The following TMCO4 variants were observed in gnomAD, a reference collection of about 807,000 sequenced individuals.
TMCO4 encodes transmembrane and coiled-coil domain-containing protein 4.
Under a neutral mutation model 64.7 loss-of-function variants are expected in TMCO4, and 58 were observed. The ratio of observed to expected loss-of-function variants is 0.90; its 90% CI spans 0.73 to 1.12. The LOEUF is 1.12. Ranked by LOEUF, TMCO4 falls within the 50% of genes most tolerant of loss-of-function variation. The pLI, the probability that TMCO4 is intolerant of heterozygous loss-of-function variation, is 0.00. For missense variants in TMCO4, 780 were observed against 825.9 expected, an observed-to-expected ratio of 0.94 and a Z score of 0.68; for synonymous variants, 325 against 346.1, an observed-to-expected ratio of 0.94 and a Z score of 0.68.
intron 13 of TMCO4, among the ~76,000 whole-genome samples, chr1:19,708,696 GCTT>G (rs2095314855): frequency 6.6e-6 from 1 of 152,044 alleles, no homozygotes; most frequent in Non-Finnish European, 1.5e-5. Context: ...CCCTCACAGA[GCTT>G]TCTGTTATCC....
In TMCO4 at chr1:19,732,642, G is replaced by A. The variant is rs906604130; in HGVS notation, c.1264+4730C>T. Among the ~76,000 whole-genome samples the A allele has an allele frequency of 5.3e-5, 8 of 152,114 alleles. No homozygotes were observed. Among genetic ancestry groups the A allele is most frequent in the Non-Finnish European group, 4.4e-5 (3 of 68,024 alleles). On this transcript the variant is annotated intron_variant, in intron 13 of 15. Coordinates refer to ENST00000294543, the MANE Select transcript of TMCO4 (RefSeq NM_181719.7). This position sits in a 1 kb window ranked among gnomAD's most constrained non-coding sequence, Gnocchi z 4.8. ...ATGGTGGCTCATGCCTGTAACCCCAGTGCTGTGGGAAGCTGAGGCAGGAGG... is the reference window on the plus strand; with the variant it reads ...ATGGTGGCTCATGCCTGTAACCCCAATGCTGTGGGAAGCTGAGGCAGGAGG...
rs1395837885 is a variant in TMCO4, at chr1:19,700,790, T to A, written c.1360A>T (p.Arg454Trp). Reference protein sequence around the residue: ...WEPFRKVVSGRIINGYCRGDW... With the variant: ...WEPFRKVVSGWIINGYCRGDW... ...GACCTGCAGTAGCCGTTGATGATCCTCCCGGACACCACCTTCCGGAAAGGC... is the reference window on the plus strand; with the variant it reads ...GACCTGCAGTAGCCGTTGATGATCCACCCGGACACCACCTTCCGGAAAGGC... Residue 454 changes from arginine to tryptophan, a missense_variant, in exon 14 of 16, where the codon AGG becomes TGG. By Grantham distance (101) the Arg-to-Trp change is moderately radical. Transcript: ENST00000294543. 2 of 1,614,188 alleles carry A rather than the reference T, an allele frequency of 1.2e-6. No individual in the cohort carries two copies. The highest frequency in any genetic ancestry group is 3.3e-5 in the Admixed American group (2 of 60,026).
intron 13 of TMCO4, among the ~76,000 whole-genome samples, chr1:19,716,296 T>C (rs1271975068): frequency 6.6e-6 from 1 of 150,658 alleles, no homozygotes; most frequent in African/African-American, 2.4e-5. Context: ...GCGATTCTCC[T>C]GCCTCAGCCT....
At chr1:19,733,390 G>A (rs1231369833) in intron 13 of TMCO4, among the ~76,000 whole-genome samples, 1 of 152,196 alleles carries the variant, frequency 6.6e-6, no homozygotes. Context: ...ACACACGGCT[G>A]AGCAGGGCAT....
intron 10 of TMCO4, among the ~76,000 whole-genome samples, chr1:19,741,701 C>T (rs1346795607): frequency 6.6e-6 from 1 of 151,514 alleles, no homozygotes; most frequent in Non-Finnish European, 1.5e-5. Flanking sequence ...CCACGTATTT[C>T]TGCTTGTGGC....
intron 11 of TMCO4, 22 bp downstream of exon 11, chr1:19,740,755 G>A (rs780557057): frequency 6.3e-7 from 1 of 1,594,548 alleles, no homozygotes; most frequent in South Asian, 1.1e-5. Context: ...GCTGTTGTTG[G>A]GGGGCAGGTG....
At chr1:19,746,405 G>C (rs2041782238) in intron 9 of TMCO4, 51 bp downstream of exon 9, 9 of 1,606,010 alleles carry the variant, frequency 5.6e-6, no homozygotes, top group Non-Finnish European at 7.7e-6. Flanking sequence ...TAGGAACTGG[G>C]CCACCCTGGC....
chr1:19,720,723 G>A (rs968457604), intron 13 of TMCO4, among the ~76,000 whole-genome samples: 2 of 152,208 alleles, frequency 1.3e-5, no homozygotes, highest in East Asian at 1.9e-4. Flanking sequence ...GTAGAGACCC[G>A]AAAGGTCAGA....
At chr1:19,775,446 A>G (rs2043165424) in intron 4 of TMCO4, among the ~76,000 whole-genome samples, 1 of 152,186 alleles carries the variant, frequency 6.6e-6, no homozygotes, top group African/African-American at 2.4e-5. Context: ...CCTGGAATCC[A>G]GGCTTCCTGA....
At chr1:19,730,178 G>A (rs1381810840) in intron 13 of TMCO4, among the ~76,000 whole-genome samples, 1 of 152,220 alleles carries the variant, frequency 6.6e-6, no homozygotes, top group Non-Finnish European at 1.5e-5. Flanking sequence ...CCAATGAAAT[G>A]TTTGTAAAAG....
Position 19,798,129 on chromosome 1 carries a change from A to C in TMCO4, c.-101+8T>G. ...CTAAATGGAAAGTGGATTGGATTTC[A>C]CTCTCACCCCTTCTGCCTGCTGTCA... is the stretch of plus-strand genomic sequence containing the variant. On this transcript the variant is annotated splice_region_variant and intron_variant, in intron 2 of 15. Transcript: ENST00000294543. 6.4e-6 allele frequency: 1 copy of C among 155,068 alleles called. No individual in the cohort carries two copies. The highest frequency in any genetic ancestry group is 6.6e-5 in the Admixed American group (1 of 15,234). 9.6% of individuals were successfully genotyped at this position (155,068 alleles called of 1,614,324 possible).
intron 10 of TMCO4, among the ~76,000 whole-genome samples, chr1:19,742,914 G>A (rs2095486213): frequency 6.6e-6 from 1 of 152,118 alleles, no homozygotes; most frequent in Non-Finnish European, 1.5e-5. Flanking sequence ...GCCGGGCGTG[G>A]TGGCACATGC....
intron 13 of TMCO4, among the ~76,000 whole-genome samples, chr1:19,712,627 A>G (rs915110365): frequency 1.3e-5 from 2 of 152,080 alleles, no homozygotes; most frequent in African/African-American, 4.8e-5. Flanking sequence ...CTCAAAAAAA[A>G]AAAAAAAGAA....
chr1:19,717,285 G>A (rs1484997539), intron 13 of TMCO4, among the ~76,000 whole-genome samples: 1 of 152,234 alleles, frequency 6.6e-6, no homozygotes. Context: ...ACTGGCTGAA[G>A]GATGGGGTGT....
rs554004960 is a variant in TMCO4 at position 19,715,604 on chromosome 1, G to C, written c.1265-14719C>G. Among the ~76,000 whole-genome samples, 6 of 152,306 alleles carry C rather than the reference G, an allele frequency of 3.9e-5. No individual in the cohort carries two copies. The South Asian group carries it at 1.2e-3, about 32-fold the overall frequency. On this transcript the variant is annotated intron_variant, in intron 13 of 15. Transcript: ENST00000294543. Reference sequence around the variant, plus strand: ...AACTGACGACATGAAAATTTCTCAGGATATAGGAGCAGCTGCCAAGTTCTG... The same window carrying C: ...AACTGACGACATGAAAATTTCTCAGCATATAGGAGCAGCTGCCAAGTTCTG...
intron 3 of TMCO4, among the ~76,000 whole-genome samples, chr1:19,786,606 G>A (rs1358230062): frequency 6.6e-6 from 1 of 152,208 alleles, no homozygotes; most frequent in African/African-American, 2.4e-5. Flanking sequence ...GGCTGCCCCA[G>A]GCAGGGCCAA....
chr1:19,734,998 A>G lies in TMCO4; in HGVS notation c.1264+2374T>C, dbSNP rs2095447404. 6.6e-6 allele frequency among the ~76,000 whole-genome samples: 1 copy of G among 152,070 alleles called. No homozygotes were observed. The highest frequency in any genetic ancestry group is 2.1e-4 in the South Asian group (1 of 4,824). ...AGCATGTGCCTGATTCCCTCACCCA[A>G]AGTCCAGCTCCTTCATCTTCCTGAC... On this transcript the variant is annotated intron_variant, in intron 13 of 15. Transcript: ENST00000294543. The surrounding 1 kb of genome is among the most constrained non-coding windows in gnomAD (Gnocchi z 4.4).
At chr1:19,718,241 A>G (rs1026692120) in intron 13 of TMCO4, among the ~76,000 whole-genome samples, 2 of 152,162 alleles carry the variant, frequency 1.3e-5, no homozygotes, top group Non-Finnish European at 2.9e-5. Context: ...AGGCTGAGGC[A>G]GGAGAATCGC....
intron 2 of TMCO4, 55 bp downstream of exon 2, chr1:19,798,082 G>T (rs1397581529): frequency 6.4e-6 from 1 of 157,210 alleles, no homozygotes; most frequent in African/African-American, 2.4e-5. Context: ...ATGATATCAG[G>T]GCAGCTTGAA....
Sources: gnomAD v4.1 joint callset for allele counts (sites outside exome capture counted in the v4.1 genomes callset) on GRCh38, gnomAD v4.1.1 for gene constraint, Gnocchi (gnomAD v3.1) non-coding constraint, MANE v1.5 for transcripts, NCBI Gene and HGNC (gene_info 2026-07-23, HGNC 2026-07-21) for gene names.